Variants in PTPRD observed in about 807,000 individuals in gnomAD.
The protein encoded by PTPRD is protein tyrosine phosphatase receptor type D.
PTPRD carries 34 observed loss-of-function variants against 214.5 expected under a neutral mutation model. That is an observed-to-expected ratio of 0.16 (90% CI 0.12 to 0.21). PTPRD has a LOEUF of 0.21. PTPRD is among the 10% of genes least tolerant of loss of function. The pLI is 1.00. For missense variants in PTPRD, 2,545 were observed against 2,398.7 expected (o/e 1.06, Z -1.27); for synonymous variants, 1,128 against 845.7 (o/e 1.33, Z -5.79).
chr9:9,236,838 T>C (rs1448690016), intron 9 of PTPRD, among the ~76,000 whole-genome samples: 3 of 152,064 alleles, frequency 2.0e-5, no homozygotes, highest in Non-Finnish European at 4.4e-5. Flanking sequence ...CCACTGTGGC[T>C]AAGCAAATTG....
At chr9:10,377,416 A>G (rs980077317) in intron 2 of PTPRD, among the ~76,000 whole-genome samples, 18 of 151,824 alleles carry the variant, frequency 1.2e-4, no homozygotes, top group African/African-American at 1.9e-4. Flanking sequence ...TATTAGGTAT[A>G]TCTCCTAATG....
At chr9:9,920,959 G>A (rs990605765) in intron 5 of PTPRD, among the ~76,000 whole-genome samples, 2 of 152,082 alleles carry the variant, frequency 1.3e-5, no homozygotes, top group Non-Finnish European at 2.9e-5. Context: ...ATCTGACAGA[G>A]CGAATTACAA....
At chr9:9,038,653 C>G (rs1237889375) in intron 10 of PTPRD, among the ~76,000 whole-genome samples, 3 of 147,110 alleles carry the variant, frequency 2.0e-5, no homozygotes, top group Non-Finnish European at 4.4e-5. Flanking sequence ...CCTCTGGGTT[C>G]AAGTGCTTCT....
chr9:9,462,279 T>C (rs1356672009), intron 8 of PTPRD, among the ~76,000 whole-genome samples: 1 of 152,126 alleles, frequency 6.6e-6, no homozygotes, highest in Non-Finnish European at 1.5e-5. Flanking sequence ...CTAGAGTTAA[T>C]AGTAATTTCT....
chr9:8,829,060 T>C (rs778348448), intron 11 of PTPRD, among the ~76,000 whole-genome samples: 2 of 152,232 alleles, frequency 1.3e-5, no homozygotes, highest in Non-Finnish European at 2.9e-5. Context: ...CCAAATTAAA[T>C]AGATAATCAC....
At chr9:9,399,061 G>A (rs2069085823) in intron 8 of PTPRD, among the ~76,000 whole-genome samples, 1 of 140,616 alleles carries the variant, frequency 7.1e-6, no homozygotes, top group South Asian at 2.3e-4. Context: ...ACAATTTTGT[G>A]TAGTTACTCG....
At chr9:8,518,861 C>T (rs901548228) in intron 20 of PTPRD, among the ~76,000 whole-genome samples, 1 of 151,890 alleles carries the variant, frequency 6.6e-6, no homozygotes. Flanking sequence ...CTGGAACCCA[C>T]AAAAAAACCT....
At chr9:9,817,800 C>T (rs1438541098) in intron 5 of PTPRD, among the ~76,000 whole-genome samples, 2 of 152,162 alleles carry the variant, frequency 1.3e-5, no homozygotes, top group African/African-American at 4.8e-5. Flanking sequence ...CAAAAAGTCA[C>T]AGGCTTTTAA....
intron 9 of PTPRD, among the ~76,000 whole-genome samples, chr9:9,385,886 A>ACT (rs2063720311): frequency 6.6e-6 from 1 of 152,072 alleles, no homozygotes; most frequent in African/African-American, 2.4e-5. Flanking sequence ...CCTAACTATG[A>ACT]CTCCAGTCTT....
chr9:8,476,971 T>G (rs2096778007), intron 30 of PTPRD, among the ~76,000 whole-genome samples: 1 of 152,214 alleles, frequency 6.6e-6, no homozygotes, highest in South Asian at 2.1e-4. Context: ...TTCTTTTCTT[T>G]ACTGGCCTAC....
Position 8,755,757 on chromosome 9 carries a change from A to C in PTPRD, c.-103-21811T>G, listed in dbSNP as rs117735023. Among the ~76,000 whole-genome samples the C allele has an allele frequency of 5.5e-3, 832 of 152,286 alleles. 1 individual carries two copies. The highest frequency in any genetic ancestry group is 9.4e-3 in the Non-Finnish European group (639 of 68,018). On this transcript the variant is annotated intron_variant, in intron 11 of 45. Coordinates refer to ENST00000381196, the MANE Select transcript of PTPRD (RefSeq NM_002839.4). Reference sequence around the variant, plus strand: ...TTTGAAGAAACTAAATTGATCACTAAGAATAATAAAAGTCAAAGTTACACA... The same window carrying C: ...TTTGAAGAAACTAAATTGATCACTACGAATAATAAAAGTCAAAGTTACACA...
intron 3 of PTPRD, among the ~76,000 whole-genome samples, chr9:10,212,970 C>T (rs1022840352): frequency 2.9e-4 from 44 of 152,108 alleles, no homozygotes; most frequent in African/African-American, 8.2e-4. Context: ...TTTTGCACAA[C>T]GTAACCTTAA....
At chr9:9,891,436 A>G (rs913422498) in intron 5 of PTPRD, among the ~76,000 whole-genome samples, 7 of 151,784 alleles carry the variant, frequency 4.6e-5, no homozygotes, top group African/African-American at 1.5e-4. Context: ...TTTGTCATTT[A>G]GCATGTAGAG....
At chr9:10,528,291 C>T (rs1162454045) in intron 2 of PTPRD, among the ~76,000 whole-genome samples, 1 of 152,176 alleles carries the variant, frequency 6.6e-6, no homozygotes, top group Non-Finnish European at 1.5e-5. Flanking sequence ...TGCATCCGTG[C>T]ATGAGTTATT....
rs182618089 is a variant in PTPRD, at chr9:8,845,974, C to G, written c.-103-112028G>C. The stretch of plus-strand genomic sequence containing the variant: ...CCCTTAAAACGAAAACAAATAAGAA[C>G]TATAATCATGCCAGGCAATTGCTTT... On this transcript the variant is annotated intron_variant, in intron 11 of 45. Coordinates refer to ENST00000381196, the MANE Select transcript of PTPRD (RefSeq NM_002839.4). 1.4e-3 allele frequency among the ~76,000 whole-genome samples: 206 copies of G among 152,298 alleles called. 1 individual carries two copies. Among genetic ancestry groups the G allele is most frequent in the African/African-American group, 4.8e-3 (198 of 41,560 alleles).
At chr9:9,440,519 A>G (rs2087162437) in intron 8 of PTPRD, among the ~76,000 whole-genome samples, 1 of 152,220 alleles carries the variant, frequency 6.6e-6, no homozygotes. Flanking sequence ...TATTCAATAC[A>G]TATCTCTTAG....
intron 4 of PTPRD, among the ~76,000 whole-genome samples, chr9:10,019,864 C>T (rs1412621384): frequency 2.0e-5 from 3 of 152,002 alleles, no homozygotes; most frequent in Admixed American, 2.0e-4. Context: ...ACCAACATGG[C>T]ATATGTATAC....
chr9:9,093,163 C>T (rs375215504), intron 10 of PTPRD, among the ~76,000 whole-genome samples: 19 of 152,052 alleles, frequency 1.2e-4, no homozygotes, highest in Middle Eastern at 6.8e-3. Context: ...CATCTAACAA[C>T]GGAACTTCCA....
intron 6 of PTPRD, among the ~76,000 whole-genome samples, chr9:9,755,932 T>G (rs962364821): frequency 4.0e-4 from 61 of 152,202 alleles, no homozygotes; most frequent in African/African-American, 1.4e-3. Flanking sequence ...TCAATGATGC[T>G]TTTAATAATT....
Sources: gnomAD v4.1 joint callset for allele counts (sites outside exome capture counted in the v4.1 genomes callset) on GRCh38, gnomAD v4.1.1 for gene constraint, MANE v1.5 for transcripts, NCBI Gene and HGNC (gene_info 2026-07-23, HGNC 2026-07-21) for gene names.